NADK2: variants seen among roughly 807,000 people sequenced by gnomAD.
NADK2 encodes the protein NAD kinase 2, mitochondrial, also known as NAD kinase domain-containing protein 1, mitochondrial.
In NADK2, 35 loss-of-function variants were observed where a neutral mutation model predicts 62.1. That is an observed-to-expected ratio of 0.56 (90% CI 0.43 to 0.75). The LOEUF (loss-of-function observed/expected upper bound fraction) is 0.75. Ranked by LOEUF, NADK2 falls within the 30% of genes least tolerant of loss-of-function variation. The probability of loss-of-function intolerance (pLI) is 0.00; values close to 1 mark genes in which losing one functional copy is unlikely to be tolerated. For missense variants in NADK2, 439 were observed against 561.3 expected (o/e 0.78, Z 2.20); for synonymous variants, 205 against 207.9 (o/e 0.99, Z 0.12).
intron 1 of NADK2, among the ~76,000 whole-genome samples, chr5:36,230,832 GT>G (rs1747682290): frequency 6.6e-6 from 1 of 152,166 alleles, no homozygotes. Context: ...GCCTACTACT[GT>G]GTTCATTTAA....
chr5:36,230,738 ATC>A (rs751268465), intron 1 of NADK2, among the ~76,000 whole-genome samples: 27 of 152,240 alleles, frequency 1.8e-4, no homozygotes, highest in Non-Finnish European at 2.6e-4. Flanking sequence ...TGTTATAATT[ATC>A]TCTTACAATT....
chr5:36,236,907 G>T (rs906626982), intron 1 of NADK2, among the ~76,000 whole-genome samples: 1 of 143,200 alleles, frequency 7.0e-6, no homozygotes, highest in Non-Finnish European at 1.5e-5. Context: ...GATAGAGGAA[G>T]AAGAGCATTC....
intron 8 of NADK2, among the ~76,000 whole-genome samples, chr5:36,204,768 A>G (rs1008586503): frequency 1.3e-5 from 2 of 152,054 alleles, no homozygotes. Context: ...TTGAATACTT[A>G]TGAATTAAAT....
At chr5:36,227,395 TAAG>T (rs1747521683) in intron 2 of NADK2, 79 bp downstream of exon 2, 5 of 549,168 alleles carry the variant, frequency 9.1e-6, no homozygotes, top group Non-Finnish European at 1.4e-5. Flanking sequence ...ACTAAAAATC[TAAG>T]AATGGGCTGC....
intron 7 of NADK2, 57 bp downstream of exon 7, chr5:36,211,787 T>C: frequency 7.1e-7 from 1 of 1,414,788 alleles, no homozygotes; most frequent in South Asian, 1.2e-5. Flanking sequence ...ACTGAATAAA[T>C]ATCCAAAAGC....
At chr5:36,204,912 G>A (rs988473438) in intron 8 of NADK2, among the ~76,000 whole-genome samples, 1 of 151,784 alleles carries the variant, frequency 6.6e-6, no homozygotes, top group East Asian at 1.9e-4. Context: ...ACACTATTTT[G>A]TCACTCTTAT....
At chr5:36,197,858 A>G (rs1245758563) in intron 10 of NADK2, among the ~76,000 whole-genome samples, 194 bp from the exon 11 acceptor site, 2 of 152,074 alleles carry the variant, frequency 1.3e-5, no homozygotes, top group African/African-American at 4.8e-5. Flanking sequence ...ATTAGGTACC[A>G]TGATTTGCCC....
Position 36,205,070 on chromosome 5 carries a change from C to G in NADK2, c.956+2100G>C, listed in dbSNP as rs1746585547. On this transcript the variant is annotated intron_variant, in intron 8 of 11. Transcript: ENST00000381937. The surrounding 1 kb of genome is among the most constrained non-coding windows in gnomAD (Gnocchi z 4.1). ...AATTGTGAGCATATAGTCATTTACT[C>G]AAAAAATATTTTTTGAGTGAATATA... Among the ~76,000 whole-genome samples the G allele has an allele frequency of 6.6e-6, 1 of 150,428 alleles. No individual in the cohort carries two copies. The highest frequency in any genetic ancestry group is 1.5e-5 in the Non-Finnish European group (1 of 67,692).
intron 4 of NADK2, among the ~76,000 whole-genome samples, chr5:36,222,207 AG>A (rs1348515752): frequency 6.8e-6 from 1 of 146,250 alleles, no homozygotes; most frequent in Non-Finnish European, 1.5e-5. Flanking sequence ...GAAGTGAGTA[AG>A]TGGTATAAGG....
intron 5 of NADK2, 105 bp downstream of exon 5, chr5:36,219,490 CG>C (rs1200433094): frequency 2.1e-6 from 2 of 941,458 alleles, no homozygotes; most frequent in Non-Finnish European, 3.3e-6. Flanking sequence ...GGATTACAGG[CG>C]TGAGATACCG....
At chr5:36,239,113 T>C (rs979500492) in intron 1 of NADK2, among the ~76,000 whole-genome samples, 3 of 152,184 alleles carry the variant, frequency 2.0e-5, no homozygotes, top group Non-Finnish European at 4.4e-5. Context: ...CATGACACTA[T>C]AGACACAGCA....
intron 1 of NADK2, among the ~76,000 whole-genome samples, chr5:36,233,822 G>A (rs911171384): frequency 3.3e-5 from 5 of 151,980 alleles, no homozygotes; most frequent in Admixed American, 6.6e-5. Flanking sequence ...TGAACTTCAC[G>A]CAAGTCTTGC....
chr5:36,206,074 A>G (rs568955669), intron 8 of NADK2, among the ~76,000 whole-genome samples: 145 of 152,216 alleles, frequency 9.5e-4, no homozygotes, highest in African/African-American at 3.4e-3. Flanking sequence ...GTTCTCACTC[A>G]TAAGTAGGAG....
intron 4 of NADK2, among the ~76,000 whole-genome samples, chr5:36,224,874 A>T (rs1747423811): frequency 6.6e-6 from 1 of 152,188 alleles, no homozygotes. Context: ...TAGTGTTTTT[A>T]TTGGTCTTTT....
intron 1 of NADK2, among the ~76,000 whole-genome samples, chr5:36,236,939 G>C (rs1003749414): frequency 6.7e-6 from 1 of 148,454 alleles, no homozygotes; most frequent in Admixed American, 6.7e-5. Flanking sequence ...GGCTACAAAA[G>C]TAGACACATA....
intron 1 of NADK2, among the ~76,000 whole-genome samples, chr5:36,232,680 T>C (rs966709842): frequency 6.6e-6 from 1 of 152,184 alleles, no homozygotes; most frequent in Non-Finnish European, 1.5e-5. Flanking sequence ...ACGTTCTCTA[T>C]TTCTGCATTC....
chr5:36,241,954 G>A (rs1748158606), upstream of NADK2: 1 of 538,726 alleles, frequency 1.9e-6, no homozygotes, highest in Non-Finnish European at 2.5e-6. The surrounding 1 kb of genome is among the most constrained non-coding windows in gnomAD (Gnocchi z 4.9). Flanking sequence ...CGCGGCTAGG[G>A]GGACGTACCC....
intron 4 of NADK2, among the ~76,000 whole-genome samples, chr5:36,222,112 A>C (rs966621038): frequency 6.6e-6 from 1 of 152,254 alleles, no homozygotes; most frequent in Non-Finnish European, 1.5e-5. Flanking sequence ...AAAGAAACAG[A>C]AAATAAATAT....
intron 6 of NADK2, among the ~76,000 whole-genome samples, chr5:36,217,028 AGGGGATAT>A (rs1747070261): frequency 6.6e-6 from 1 of 152,156 alleles, no homozygotes; most frequent in Admixed American, 6.5e-5. Flanking sequence ...CTCTGGAATA[AGGGGATAT>A]AAACATCAGG....
Sources: gnomAD v4.1 joint callset for allele counts (sites outside exome capture counted in the v4.1 genomes callset) on GRCh38, gnomAD v4.1.1 for gene constraint, Gnocchi (gnomAD v3.1) non-coding constraint, MANE v1.5 for transcripts, NCBI Gene and HGNC (gene_info 2026-07-23, HGNC 2026-07-21) for gene names.